SIPA1L3: variants seen among roughly 807,000 people sequenced by gnomAD.
SIPA1L3 encodes the protein signal induced proliferation associated 1 like 3.
SIPA1L3 carries 59 observed loss-of-function variants against 150.1 expected under a neutral mutation model. The observed-to-expected ratio is 0.39, with a 90% CI of 0.32 to 0.49. The LOEUF is 0.49. Ranked by LOEUF, SIPA1L3 falls within the 20% of genes least tolerant of loss-of-function variation. The pLI is 0.86. For synonymous variants in SIPA1L3, 1,070 were observed against 1,077.6 expected (o/e 0.99, Z 0.14); for missense variants, 2,211 against 2,489.5 (o/e 0.89, Z 2.38).
intron 1 of SIPA1L3, among the ~76,000 whole-genome samples, chr19:38,017,241 A>G (rs1028553904): frequency 3.3e-5 from 5 of 152,176 alleles, no homozygotes; most frequent in African/African-American, 1.2e-4. Context: ...TCAAAGAAAT[A>G]GAGCAGTGAC....
At chr19:38,199,035 G>A (rs75747068) in intron 19 of SIPA1L3, among the ~76,000 whole-genome samples, 2,846 of 152,278 alleles carry the variant, frequency 0.019, 81 homozygotes, top group African/African-American at 0.063. Context: ...GCCAGGGAGC[G>A]GAAGACTTTT....
At chr19:37,919,268 C>T (rs1476260793) in intron 1 of SIPA1L3, among the ~76,000 whole-genome samples, 2 of 152,202 alleles carry the variant, frequency 1.3e-5, no homozygotes, top group Non-Finnish European at 2.9e-5. Context: ...AACTGCTGGA[C>T]AGTGCCTGGC....
intron 1 of SIPA1L3, among the ~76,000 whole-genome samples, chr19:38,027,033 TG>T (rs1172920111): frequency 6.6e-6 from 1 of 152,192 alleles, no homozygotes; most frequent in Non-Finnish European, 1.5e-5. Context: ...GTTTCACACC[TG>T]TAATCCCAGC....
intron 1 of SIPA1L3, among the ~76,000 whole-genome samples, chr19:37,944,696 ATCCCAGCACT>A (rs1347748063): frequency 6.6e-6 from 1 of 152,206 alleles, no homozygotes; most frequent in Non-Finnish European, 1.5e-5. Flanking sequence ...CACACCTGTC[ATCCCAGCACT>A]TTGGGAGGCT....
intron 1 of SIPA1L3, among the ~76,000 whole-genome samples, chr19:37,935,495 G>A (rs556534591): frequency 6.6e-6 from 1 of 152,286 alleles, no homozygotes; most frequent in African/African-American, 2.4e-5. Flanking sequence ...TAAACTTAAG[G>A]CCTTAAAATG....
At chr19:38,004,887 C>T (rs999350820) in intron 1 of SIPA1L3, among the ~76,000 whole-genome samples, 7 of 152,172 alleles carry the variant, frequency 4.6e-5, no homozygotes, top group Admixed American at 4.6e-4. Context: ...GTCTGTCTTT[C>T]TGCTTTGTAT....
chr19:38,013,551 G>A (rs566069367), intron 1 of SIPA1L3, among the ~76,000 whole-genome samples: 1 of 152,226 alleles, frequency 6.6e-6, no homozygotes, highest in Non-Finnish European at 1.5e-5. Flanking sequence ...TTCTTCCAGA[G>A]ATGAGATGCT....
chr19:38,082,071 G>C lies in SIPA1L3; in HGVS notation c.506G>C (p.Arg169Pro). 6.2e-7 allele frequency: 1 copy of C among 1,612,360 alleles called. No individual in the cohort carries two copies. The highest frequency in any genetic ancestry group is 8.5e-7 in the Non-Finnish European group (1 of 1,179,916). The part of the protein sequence containing the change: ...PGRAFLPLRH[R>P]SSSEITLSEC... ...AGGGCCTTCCTCCCCCTTCGGCACC[G>C]CAGCAGCAGCGAGATCACCCTCAGC... Residue 169 changes from arginine to proline, a missense_variant, in exon 3 of 22, where the codon CGC (arginine) becomes CCC (proline). Around this residue, in one of 5 missense-constraint regions of SIPA1L3, gnomAD observed 587 missense variants for 534.5 expected, o/e 1.10. Coordinates refer to ENST00000222345, the MANE Select transcript of SIPA1L3 (RefSeq NM_015073.3).
intron 2 of SIPA1L3, among the ~76,000 whole-genome samples, chr19:38,052,143 A>G (rs894822530): frequency 1.3e-5 from 2 of 152,232 alleles, no homozygotes; most frequent in African/African-American, 4.8e-5. Context: ...GGACATTTCT[A>G]TAAAATCATC....
intron 1 of SIPA1L3, among the ~76,000 whole-genome samples, chr19:37,953,930 T>G (rs534070816): frequency 6.6e-6 from 1 of 152,260 alleles, no homozygotes; most frequent in South Asian, 2.1e-4. Context: ...CCAAAAGAAT[T>G]TTGATAAGCC....
In SIPA1L3 at chr19:38,112,163, ACACATG is replaced by A. The variant is rs547030699; in HGVS notation, c.2291+1790_2291+1795del. On this transcript the variant is annotated intron_variant, in intron 8 of 21. Coordinates refer to ENST00000222345, the MANE Select transcript of SIPA1L3 (RefSeq NM_015073.3). The stretch of plus-strand genomic sequence containing the variant: ...CCTGCACACAGGCACATGCATCCAC[ACACATG>A]CACATGCACACACATACATGCACTC... Among the ~76,000 whole-genome samples the A allele has an allele frequency of 1.5e-4, 23 of 151,458 alleles. No homozygotes were observed. In the East Asian group the frequency reaches 1.6e-3, roughly 10 times the overall value.
intron 13 of SIPA1L3, among the ~76,000 whole-genome samples, chr19:38,159,833 C>A (rs1201718468): frequency 6.6e-6 from 1 of 152,142 alleles, no homozygotes; most frequent in Non-Finnish European, 1.5e-5. Context: ...AGAACACACG[C>A]TTAATGGGAA....
chr19:37,959,023 A>G (rs1195360939), intron 1 of SIPA1L3, among the ~76,000 whole-genome samples: 1 of 152,258 alleles, frequency 6.6e-6, no homozygotes, highest in African/African-American at 2.4e-5. Flanking sequence ...ATGATGGGCA[A>G]TAACAAGTGT....
chr19:38,126,330 A>T (rs1051835256), intron 9 of SIPA1L3, among the ~76,000 whole-genome samples: 1 of 152,158 alleles, frequency 6.6e-6, no homozygotes. Flanking sequence ...CACAGGTTGG[A>T]TACAGTCCCA....
chr19:37,989,582 C>T (rs1967446851), intron 1 of SIPA1L3, among the ~76,000 whole-genome samples: 1 of 152,028 alleles, frequency 6.6e-6, no homozygotes, highest in Admixed American at 6.6e-5. Flanking sequence ...CATGGAGGTT[C>T]TGATTAAGTC....
At chr19:37,981,244 A>G (rs1225403113) in intron 1 of SIPA1L3, among the ~76,000 whole-genome samples, 1 of 151,976 alleles carries the variant, frequency 6.6e-6, no homozygotes, top group African/African-American at 2.4e-5. Flanking sequence ...ACCAGCCTGG[A>G]GAATACAGCA....
At chr19:38,187,974 C>T (rs551876458) in intron 16 of SIPA1L3, among the ~76,000 whole-genome samples, 8 of 150,576 alleles carry the variant, frequency 5.3e-5, no homozygotes, top group Middle Eastern at 3.4e-3. Flanking sequence ...CTAGCCTGGG[C>T]GACAGAGTGA....
At chr19:38,178,967 T>C (rs1972503067) in intron 15 of SIPA1L3, among the ~76,000 whole-genome samples, 1 of 152,256 alleles carries the variant, frequency 6.6e-6, no homozygotes, top group South Asian at 2.1e-4. Context: ...ACATAGTTGC[T>C]GTTTCAATCC....
chr19:37,973,137 C>G (rs1265137659), intron 1 of SIPA1L3, among the ~76,000 whole-genome samples: 5 of 151,810 alleles, frequency 3.3e-5, no homozygotes, highest in Admixed American at 3.3e-4. Flanking sequence ...TGTGCAGCCA[C>G]TTTCTCACCC....
Sources: allele counts gnomAD v4.1 joint callset (sites outside exome capture counted in the v4.1 genomes callset), GRCh38; gene constraint gnomAD v4.1.1; regional missense constraint gnomAD v4.1.1; transcripts MANE v1.5; gene names NCBI Gene and HGNC (gene_info 2026-07-23, HGNC 2026-07-21).